NARS2: variants seen among roughly 807,000 people sequenced by gnomAD.
The protein encoded by NARS2 is asparaginyl-tRNA synthetase.
A neutral mutation model predicts 62.9 loss-of-function variants in NARS2; 60 were observed. The observed-to-expected ratio is 0.95, with a 90% confidence interval of 0.77 to 1.18. The LOEUF (loss-of-function observed/expected upper bound fraction) is 1.18, where lower values mean the gene tolerates loss of function less well. Ranked by LOEUF, NARS2 falls within the 50% of genes most tolerant of loss-of-function variation. The pLI is 0.00. For missense variants in NARS2, 619 were observed against 576.4 expected, an observed-to-expected ratio of 1.07 and a Z score of -0.76; for synonymous variants, 196 against 200.0, an observed-to-expected ratio of 0.98 and a Z score of 0.17.
At chr11:78,532,717 T>C (rs567305452) in intron 5 of NARS2, among the ~76,000 whole-genome samples, 2 of 152,216 alleles carry the variant, frequency 1.3e-5, no homozygotes, top group Non-Finnish European at 1.5e-5. Flanking sequence ...TTCTTTGTTA[T>C]AGATTAACAT....
intron 11 of NARS2, among the ~76,000 whole-genome samples, chr11:78,461,587 G>A (rs1241870203): frequency 7.3e-6 from 1 of 136,134 alleles, no homozygotes; most frequent in Non-Finnish European, 1.5e-5. Context: ...GAATGAGTGG[G>A]AGATGCTGTG....
chr11:78,503,021 C>T (rs561436481), intron 6 of NARS2, among the ~76,000 whole-genome samples: 14 of 144,840 alleles, frequency 9.7e-5, no homozygotes, highest in Non-Finnish European at 1.8e-4. Context: ...GGTTGAATGA[C>T]GAGATTGTCT....
intron 7 of NARS2, among the ~76,000 whole-genome samples, chr11:78,479,371 G>C: frequency 6.6e-6 from 1 of 152,112 alleles, no homozygotes; most frequent in East Asian, 1.9e-4. Context: ...GCTGGGCATA[G>C]TGGTGTGTGC....
chr11:78,574,529 C>G lies in NARS2; in HGVS notation c.-41G>C, dbSNP rs1174828496. 2.6e-6 allele frequency: 4 copies of G among 1,554,032 alleles called. No homozygotes were observed. The highest frequency in any genetic ancestry group is 3.5e-6 in the Non-Finnish European group (4 of 1,152,824). ...GCCCTCCGCGGGAGCAGCCCAGACCCCACGGTTCGAACCCCGCCTGCAGCG... is the reference window on the plus strand; with the variant it reads ...GCCCTCCGCGGGAGCAGCCCAGACCGCACGGTTCGAACCCCGCCTGCAGCG... On this transcript the variant is annotated 5_prime_UTR_variant, in exon 1 of 14. Coordinates refer to ENST00000281038, the MANE Select transcript of NARS2 (RefSeq NM_024678.6).
At chr11:78,517,007 G>A (rs1292798264) in intron 6 of NARS2, among the ~76,000 whole-genome samples, 1 of 152,228 alleles carries the variant, frequency 6.6e-6, no homozygotes, top group African/African-American at 2.4e-5. Flanking sequence ...TTTTTAAGCT[G>A]AGTTTAGCCT....
At chr11:78,532,088 C>G (rs4285892) in intron 5 of NARS2, among the ~76,000 whole-genome samples, 1 of 151,900 alleles carries the variant, frequency 6.6e-6, no homozygotes, top group Non-Finnish European at 1.5e-5. Context: ...AAACTACCAA[C>G]CTAGGATTGC....
chr11:78,542,625 C>A (rs908555094), intron 5 of NARS2, among the ~76,000 whole-genome samples: 2 of 152,194 alleles, frequency 1.3e-5, no homozygotes, highest in Non-Finnish European at 2.9e-5. Flanking sequence ...CTAAACACAG[C>A]AGGTACTCAA....
chr11:78,549,721 T>G (rs1317591205), intron 5 of NARS2, among the ~76,000 whole-genome samples: 2 of 152,018 alleles, frequency 1.3e-5, no homozygotes, highest in Non-Finnish European at 2.9e-5. Flanking sequence ...GTAATGGAGC[T>G]TAAGAGGTGG....
At chr11:78,568,383 T>C (rs2135539413) in intron 3 of NARS2, among the ~76,000 whole-genome samples, 1 of 152,332 alleles carries the variant, frequency 6.6e-6, no homozygotes, top group Middle Eastern at 3.4e-3. Flanking sequence ...TGACTGGGCA[T>C]GCTTGTAAAA....
chr11:78,541,808 T>C (rs1855631248), intron 5 of NARS2, among the ~76,000 whole-genome samples: 1 of 152,234 alleles, frequency 6.6e-6, no homozygotes, highest in Admixed American at 6.5e-5. Context: ...CCTATCAAGC[T>C]GTATCTCAAA....
chr11:78,568,397 G>A (rs1411789640), intron 3 of NARS2, among the ~76,000 whole-genome samples: 1 of 152,140 alleles, frequency 6.6e-6, no homozygotes, highest in South Asian at 2.1e-4. Flanking sequence ...TGTAAAAGCA[G>A]CAAGTTTTAA....
intron 2 of NARS2, among the ~76,000 whole-genome samples, chr11:78,569,765 C>T (rs1471202737): frequency 6.6e-6 from 1 of 152,246 alleles, no homozygotes; most frequent in Middle Eastern, 3.4e-3. Context: ...ATAAGTATAT[C>T]CTAAGGTTTC....
At chr11:78,544,454 T>C (rs1036914256) in intron 5 of NARS2, among the ~76,000 whole-genome samples, 1 of 152,170 alleles carries the variant, frequency 6.6e-6, no homozygotes, top group Non-Finnish European at 1.5e-5. Context: ...GCATCTTCCA[T>C]GTAAATCAAG....
At chr11:78,509,083 C>A (rs971659167) in intron 6 of NARS2, among the ~76,000 whole-genome samples, 2 of 142,632 alleles carry the variant, frequency 1.4e-5, no homozygotes, top group African/African-American at 5.2e-5. Flanking sequence ...CCAGCCTGGG[C>A]AACAGAGTGA....
intron 9 of NARS2, among the ~76,000 whole-genome samples, chr11:78,469,607 G>A (rs1316149822): frequency 1.3e-5 from 2 of 152,120 alleles, no homozygotes. Context: ...GACTACAACA[G>A]CAAAATACTT....
chr11:78,547,395 AG>A (rs1855921506), intron 5 of NARS2, among the ~76,000 whole-genome samples: 1 of 152,230 alleles, frequency 6.6e-6, no homozygotes, highest in African/African-American at 2.4e-5. Flanking sequence ...ATCATGTAAC[AG>A]GAAAAAAAAA....
chr11:78,479,495 G>A (rs1859255977), intron 7 of NARS2, among the ~76,000 whole-genome samples: 1 of 152,154 alleles, frequency 6.6e-6, no homozygotes, highest in Non-Finnish European at 1.5e-5. Flanking sequence ...AGGTGACAGA[G>A]TGAGATCCTG....
At chr11:78,544,610 C>A (rs1227937927) in intron 5 of NARS2, among the ~76,000 whole-genome samples, 3 of 151,858 alleles carry the variant, frequency 2.0e-5, no homozygotes, top group Non-Finnish European at 4.4e-5. Flanking sequence ...CTGGCTAACA[C>A]GGTGAAACCC....
chr11:78,552,698 C>G (rs1021765925), intron 5 of NARS2, among the ~76,000 whole-genome samples: 2 of 152,164 alleles, frequency 1.3e-5, no homozygotes, highest in African/African-American at 2.4e-5. Context: ...AGCCCCCTCC[C>G]CACTTCGAGT....
Sources: gnomAD v4.1 joint callset for allele counts (sites outside exome capture counted in the v4.1 genomes callset) on GRCh38, gnomAD v4.1.1 for gene constraint, MANE v1.5 for transcripts, NCBI Gene and HGNC (gene_info 2026-07-23, HGNC 2026-07-21) for gene names.